CNKSR2: variants seen among roughly 807,000 people sequenced by gnomAD.
The protein encoded by CNKSR2 is CNK homolog protein 2.
A neutral mutation model predicts 84.4 loss-of-function variants in CNKSR2; 14 were observed. The ratio of observed to expected loss-of-function variants is 0.17; its 90% CI spans 0.11 to 0.26. The LOEUF (loss-of-function observed/expected upper bound fraction) is 0.26. CNKSR2 is among the 10% of genes least tolerant of loss of function. The probability of loss-of-function intolerance (pLI) is 1.00; values close to 1 mark genes in which losing one functional copy is unlikely to be tolerated. For missense variants in CNKSR2, 485 were observed against 771.2 expected (o/e 0.63, Z 4.40); for synonymous variants, 275 against 277.9 (o/e 0.99, Z 0.10).
intron 4 of CNKSR2, among the ~76,000 whole-genome samples, chrX:21,462,640 C>T (rs2091075373): frequency 9.0e-6 from 1 of 110,667 alleles, no homozygotes; most frequent in South Asian, 3.8e-4. Context: ...CAGTTCTTCC[C>T]GATTATGATA....
At chrX:21,546,329 G>T (rs2092025254) in intron 11 of CNKSR2, among the ~76,000 whole-genome samples, 1 of 108,675 alleles carries the variant, frequency 9.2e-6, no homozygotes, top group Non-Finnish European at 1.9e-5. Context: ...ATCAGAGATT[G>T]AAGATCAACT....
intron 5 of CNKSR2, among the ~76,000 whole-genome samples, chrX:21,474,374 G>A (rs182394402): frequency 1.1e-3 from 126 of 111,732 alleles, no homozygotes; most frequent in African/African-American, 4.0e-3. Flanking sequence ...ATCAATATGG[G>A]TTCTAGAATT....
intron 10 of CNKSR2, among the ~76,000 whole-genome samples, chrX:21,531,101 C>T (rs1436013651): frequency 1.8e-5 from 2 of 110,622 alleles, no homozygotes; most frequent in African/African-American, 3.3e-5. Flanking sequence ...AAATGAGATA[C>T]GTAGAGTTTG....
intron 1 of CNKSR2, among the ~76,000 whole-genome samples, chrX:21,388,506 G>T (rs1450115809): frequency 8.9e-6 from 1 of 111,936 alleles, no homozygotes; most frequent in Non-Finnish European, 1.9e-5. Context: ...AAGTAAGGAA[G>T]TGTTCAAAAA....
In CNKSR2 at chrX:21,374,481, A is replaced by C; in HGVS notation, c.-417A>C. On this transcript the variant is annotated 5_prime_UTR_variant, in exon 1 of 22. Coordinates refer to ENST00000379510, the MANE Select transcript of CNKSR2 (RefSeq NM_014927.5). ...ACTCCCGCGCGTGAGGCGAGCGGGCAAGTTGGCTGAGGGCGTGCGGCAGAG... is the reference window on the plus strand; with the variant it reads ...ACTCCCGCGCGTGAGGCGAGCGGGCCAGTTGGCTGAGGGCGTGCGGCAGAG... 2.8e-6 allele frequency: 1 copy of C among 352,745 alleles called. No individual in the cohort carries two copies. The highest frequency in any genetic ancestry group is 5.0e-6 in the Non-Finnish European group (1 of 200,467). The allele number at this position is 352,745 out of a possible 1,213,427, so 29.1% of individuals were successfully genotyped here. A position where few individuals can be genotyped will look rare whatever the true frequency, so the allele number is the denominator to read the frequency against.
rs1264900137 is a variant in CNKSR2, at chrX:21,654,612, A to G, written c.*2091A>G. 1 of 111,919 alleles carries G rather than the reference A, an allele frequency of 8.9e-6. No homozygotes were observed. The highest frequency in any genetic ancestry group is 1.9e-5 in the Non-Finnish European group (1 of 53,217). The allele number at this position is 111,919 out of a possible 1,213,427, so 9.2% of individuals were successfully genotyped here. A position where few individuals can be genotyped will look rare whatever the true frequency, so the allele number is the denominator to read the frequency against. ...TTTTAACACTATATAATATCTGTAC[A>G]TTTTATTGCATTCGTTTCAAATCTA... On this transcript the variant is annotated 3_prime_UTR_variant, in exon 22 of 22. Transcript: ENST00000379510.
chrX:21,450,364 C>G (rs978401865), intron 4 of CNKSR2, among the ~76,000 whole-genome samples: 1 of 111,568 alleles, frequency 9.0e-6, no homozygotes, highest in African/African-American at 3.3e-5. Flanking sequence ...TATATCTTGT[C>G]ATCATCAATG....
In CNKSR2 at chrX:21,609,124, G is replaced by A. The variant is rs113091231; in HGVS notation, c.2199G>A (p.Thr733=). 2.4e-4 allele frequency: 296 copies of A among 1,208,703 alleles called. 5 individuals carry two copies. In the African/African-American group the frequency reaches 2.8e-3, roughly 11 times the overall value. ...CAAAACATAGCCGACTTTCCTCCAC[G>A]GAGACTTCTCAGTCTCAGTCTTCTC... ...VEAKHSRLSS[T]ETSQSQSSHE... is the part of the protein sequence containing the mutation. Residue 733 remains threonine, a synonymous_variant, in exon 20 of 22, where the codon ACG becomes ACA. Transcript: ENST00000379510.
chrX:21,497,279 A>G (rs2091509762), intron 6 of CNKSR2, among the ~76,000 whole-genome samples: 1 of 111,426 alleles, frequency 9.0e-6, no homozygotes, highest in Non-Finnish European at 1.9e-5. Context: ...AATACAGGAT[A>G]CTACAAAATA....
chrX:21,553,878 A>G (rs1420299842), intron 11 of CNKSR2, among the ~76,000 whole-genome samples: 1 of 111,688 alleles, frequency 9.0e-6, no homozygotes, highest in Non-Finnish European at 1.9e-5. Context: ...GTTCACATTT[A>G]TATCAATGCT....
At chrX:21,599,668 A>G (rs1458604203) in intron 17 of CNKSR2, among the ~76,000 whole-genome samples, 1 of 111,223 alleles carries the variant, frequency 9.0e-6, no homozygotes, top group Non-Finnish European at 1.9e-5. Flanking sequence ...CCTAGCCTTC[A>G]GTGATATTTT....
chrX:21,645,199 G>T (rs990474163), intron 20 of CNKSR2: 1 of 111,504 alleles, frequency 9.0e-6, no homozygotes, highest in African/African-American at 3.3e-5. Flanking sequence ...CGTCAAGTAT[G>T]ACACAGCCAT....
chrX:21,422,963 A>T (rs1023005405), intron 1 of CNKSR2, among the ~76,000 whole-genome samples: 2 of 111,021 alleles, frequency 1.8e-5, no homozygotes, highest in African/African-American at 6.6e-5. Context: ...TGAATTTTTT[A>T]TATTTTCATT....
intron 20 of CNKSR2, among the ~76,000 whole-genome samples, chrX:21,624,486 G>A (rs2147308190): frequency 8.9e-6 from 1 of 111,890 alleles, no homozygotes; most frequent in Admixed American, 9.5e-5. Flanking sequence ...AAAAGAAATA[G>A]GCTACCTCTA....
chrX:21,491,883 G>A (rs1188999203), intron 6 of CNKSR2: 1 of 111,592 alleles, frequency 9.0e-6, no homozygotes, highest in Non-Finnish European at 1.9e-5. Context: ...ATAAGGGAAA[G>A]GAAGTCCCCT....
At chrX:21,589,212 T>G (rs1312383200) in intron 13 of CNKSR2, among the ~76,000 whole-genome samples, 4 of 112,476 alleles carry the variant, frequency 3.6e-5, no homozygotes, top group Non-Finnish European at 7.5e-5. Context: ...AAGCTTTGTA[T>G]GTCAGCAAAT....
intron 11 of CNKSR2, among the ~76,000 whole-genome samples, chrX:21,532,699 G>GTATA (rs1209065868): frequency 9.0e-6 from 1 of 111,655 alleles, no homozygotes; most frequent in Non-Finnish European, 1.9e-5. Flanking sequence ...AATTGTTATA[G>GTATA]TATATCTGAA....
At position 21,526,900 on chromosome X, in the gene CNKSR2, G is replaced by A. The variant is rs1399477738; in HGVS notation, c.991G>A (p.Ala331Thr). Residue 331 changes from alanine (A) to threonine (T), a missense_variant, in exon 10 of 22, where the codon GCC (alanine) becomes ACC (threonine). Physicochemically the swap from Ala to Thr is moderately conservative, Grantham distance 58. Around this residue, in one of 5 missense-constraint regions of CNKSR2, gnomAD observed 132 missense variants for 166.7 expected, o/e 0.79. Coordinates refer to ENST00000379510, the MANE Select transcript of CNKSR2 (RefSeq NM_014927.5). ...ACCTAGAAGTCCCACAAGCAGCGTT[G>A]CCACGCCTTCCAGCACCATCAGTAC... Reference protein sequence around the residue: ...LIPRSPTSSVATPSSTISTPT... With the variant: ...LIPRSPTSSVTTPSSTISTPT... 1.7e-6 allele frequency: 2 copies of A among 1,202,430 alleles called. No homozygotes were observed. The highest frequency in any genetic ancestry group is 3.5e-5 in the African/African-American group (2 of 56,443).
At chrX:21,580,437 T>C (rs1318156129) in intron 13 of CNKSR2, among the ~76,000 whole-genome samples, 1 of 111,680 alleles carries the variant, frequency 9.0e-6, no homozygotes, top group Non-Finnish European at 1.9e-5. Context: ...GATAAAGATA[T>C]TTAGATAAAA....
Sources: allele counts gnomAD v4.1 joint callset (sites outside exome capture counted in the v4.1 genomes callset), GRCh38; gene constraint gnomAD v4.1.1; regional missense constraint gnomAD v4.1.1; transcripts MANE v1.5; gene names NCBI Gene and HGNC (gene_info 2026-07-23, HGNC 2026-07-21).